AKAP11: variants seen among roughly 807,000 people sequenced by gnomAD.
The protein encoded by AKAP11 is A-kinase anchoring protein 11.
A neutral mutation model predicts 146.1 loss-of-function variants in AKAP11; 36 were observed. The observed-to-expected ratio is 0.25, with a 90% confidence interval of 0.19 to 0.33. The LOEUF is 0.33. Among genes scored for constraint, AKAP11 ranks in the 10% least tolerant of loss-of-function variants. The probability of loss-of-function intolerance (pLI) is 1.00; values close to 1 mark genes in which losing one functional copy is unlikely to be tolerated. For missense variants in AKAP11, 2,201 were observed against 2,197.0 expected (o/e 1.00, Z -0.04); for synonymous variants, 780 against 786.5 (o/e 0.99, Z 0.14).
intron 9 of AKAP11, among the ~76,000 whole-genome samples, chr13:42,312,183 A>G (rs989923188): frequency 5.3e-5 from 8 of 152,238 alleles, no homozygotes; most frequent in African/African-American, 1.9e-4. Context: ...AATGTTTAAT[A>G]ATTAGAAATG....
intron 10 of AKAP11, among the ~76,000 whole-genome samples, chr13:42,313,347 T>C (rs531109018): frequency 7.2e-5 from 11 of 152,372 alleles, no homozygotes; most frequent in Non-Finnish European, 1.2e-4. Flanking sequence ...GTCACTGTTA[T>C]GCATGTGTTG....
Position 42,319,749 on chromosome 13 carries a change from T to A in AKAP11, c.*521T>A, listed in dbSNP as rs1456408283. ...AAATCAGTTTCATTTTCATATTTCA[T>A]AGATCAGCTATTGGTAGCTTTTTGA... On this transcript the variant is annotated 3_prime_UTR_variant, in exon 13 of 13. Transcript: ENST00000025301. 6.6e-6 allele frequency: 1 copy of A among 152,484 alleles called. No homozygotes were observed. The highest frequency in any genetic ancestry group is 2.4e-5 in the African/African-American group (1 of 41,462). 9.4% of individuals were successfully genotyped at this position (152,484 alleles called of 1,614,324 possible). A position where few individuals can be genotyped will look rare whatever the true frequency, so the allele number is the denominator to read the frequency against.
chr13:42,303,565 T>C lies in AKAP11; in HGVS notation c.4819T>C (p.Phe1607Leu), dbSNP rs775735009. 2 of 1,614,220 alleles carry C rather than the reference T, an allele frequency of 1.2e-6. No individual in the cohort carries two copies. The highest frequency in any genetic ancestry group is 1.7e-6 in the Non-Finnish European group (2 of 1,180,046). Residue 1607 changes from phenylalanine to leucine, a missense_variant, in exon 8 of 13, where the codon TTC (phenylalanine) becomes CTC (leucine). Around this residue, in one of 3 missense-constraint regions of AKAP11, gnomAD observed 1,867 missense variants for 1,833.5 expected, o/e 1.02. Coordinates refer to ENST00000025301, the MANE Select transcript of AKAP11 (RefSeq NM_016248.4). ...CACTGGAAATTCATCTCAGCACTTT[T>C]TCAGACAGGGTTCTCTCGCCAGTAG... Reference protein sequence around the residue: ...NCTGNSSQHFFRQGSLASSKP... With the variant: ...NCTGNSSQHFLRQGSLASSKP...
At chr13:42,309,586 A>C in intron 9 of AKAP11, among the ~76,000 whole-genome samples, 1 of 152,214 alleles carries the variant, frequency 6.6e-6, no homozygotes, top group East Asian at 1.9e-4. Context: ...TGGAAATATT[A>C]ATATTTTTGT....
chr13:42,276,713 T>C (rs9590683), intron 1 of AKAP11, among the ~76,000 whole-genome samples: 25,573 of 152,248 alleles, frequency 0.17, 2,901 homozygotes, highest in Non-Finnish European at 0.24. Context: ...TATGCTGTAA[T>C]ATACCCTGTT....
chr13:42,306,232 G>A (rs1960250864), intron 8 of AKAP11, among the ~76,000 whole-genome samples: 1 of 151,962 alleles, frequency 6.6e-6, no homozygotes, highest in African/African-American at 2.4e-5. Context: ...AATAAATTAG[G>A]CCTTTTTACA....
chr13:42,304,083 G>A (rs1416909373), intron 8 of AKAP11, among the ~76,000 whole-genome samples: 2 of 152,102 alleles, frequency 1.3e-5, no homozygotes, highest in Non-Finnish European at 2.9e-5. Context: ...CATTTACAGA[G>A]CTGGAAAATG....
rs996745255 is a variant in AKAP11 at position 42,320,406 on chromosome 13, T to C, written c.*1178T>C. 4 of 150,944 alleles carry C rather than the reference T, an allele frequency of 2.6e-5. No individual in the cohort carries two copies. Among genetic ancestry groups the C allele is most frequent in the Admixed American group, 1.3e-4 (2 of 15,096 alleles). 9.4% of individuals were successfully genotyped at this position (150,944 alleles called of 1,614,324 possible). ...GGGCTCTACATTTCCTACTAGTTTG[T>C]GTCCAGAAACTGCAAGTTGACATGA... is the stretch of plus-strand genomic sequence containing the variant. On this transcript the variant is annotated 3_prime_UTR_variant, in exon 13 of 13. Transcript: ENST00000025301.
In AKAP11 at chr13:42,300,991, C is replaced by A. The variant is rs1184530757; in HGVS notation, c.2245C>A (p.Gln749Lys). ...AVTFSPSFHN[Q>K]AIMVTKPVQE... is the part of the protein sequence containing the mutation. The stretch of plus-strand genomic sequence containing the variant: ...CACGTTTTCCCCTTCTTTTCACAAT[C>A]AAGCAATTATGGTGACAAAACCAGT... The change falls in exon 8 of 13, where the codon CAA becomes AAA. Residue 749 changes from glutamine (Q) to lysine (K), a missense_variant. This residue lies in a region of AKAP11 where 1,867 missense variants were observed against 1,833.5 expected (regional missense o/e 1.02). Coordinates refer to ENST00000025301, the MANE Select transcript of AKAP11 (RefSeq NM_016248.4). 6.2e-7 allele frequency: 1 copy of A among 1,614,106 alleles called. No homozygotes were observed. The highest frequency in any genetic ancestry group is 1.7e-5 in the Admixed American group (1 of 60,022).
At chr13:42,291,918 T>A (rs912760803) in intron 3 of AKAP11, among the ~76,000 whole-genome samples, 1 of 152,232 alleles carries the variant, frequency 6.6e-6, no homozygotes, top group African/African-American at 2.4e-5. Flanking sequence ...TTATTTTGGA[T>A]TATTATCTTA....
intron 6 of AKAP11, 132 bp from the exon 7 acceptor site, chr13:42,298,401 C>A: frequency 1.1e-6 from 1 of 927,494 alleles, no homozygotes; most frequent in Admixed American, 3.1e-5. Context: ...ATTACAAAAC[C>A]AAGGAGCTTT....
chr13:42,311,890 T>G (rs188355334), intron 9 of AKAP11, among the ~76,000 whole-genome samples: 4 of 152,280 alleles, frequency 2.6e-5, no homozygotes, highest in Non-Finnish European at 4.4e-5. Flanking sequence ...CCCTGCTCAG[T>G]TTTAACTTTT....
rs376690362 is a variant in AKAP11, at chr13:42,308,511, C to T, written c.5175C>T (p.Asn1725=). Residue 1725 remains asparagine (N), a synonymous_variant, in exon 9 of 13, where the codon AAC becomes AAT. Transcript: ENST00000025301. ...AGTCTGTCAGTAGCCAGCAGATGAA[C>T]CTCAGTATTGGTGATGACAGCACTG... is the stretch of plus-strand genomic sequence containing the variant. ...STESVSSQQM[N]LSIGDDSTGS... 3 of 1,612,206 alleles carry T rather than the reference C, an allele frequency of 1.9e-6. No homozygotes were observed. The highest frequency in any genetic ancestry group is 2.5e-6 in the Non-Finnish European group (3 of 1,178,862).
rs373602173 is a variant in AKAP11 at position 42,300,279 on chromosome 13, C to G, written c.1533C>G (p.Thr511=). ...GSVLRTHHTN[T]LSNINSIKHG... ...TTCTTCGTACCCACCATACTAATAC[C>G]CTATCAAATATTAACAGTATTAAAC... Residue 511 remains threonine, a synonymous_variant, in exon 8 of 13, where the codon ACC becomes ACG. Coordinates refer to ENST00000025301, the MANE Select transcript of AKAP11 (RefSeq NM_016248.4). 90 of 1,613,268 alleles carry G rather than the reference C, an allele frequency of 5.6e-5. No homozygotes were observed. The highest frequency in any genetic ancestry group is 7.1e-5 in the Non-Finnish European group (84 of 1,179,668).
chr13:42,319,142 G>C lies in AKAP11; in HGVS notation c.5620G>C (p.Val1874Leu), dbSNP rs1269304707. Residue 1874 changes from valine to leucine, a missense_variant, in exon 13 of 13, where the codon GTG (valine) becomes CTG (leucine). Coordinates refer to ENST00000025301, the MANE Select transcript of AKAP11 (RefSeq NM_016248.4). Reference sequence around the variant, plus strand: ...GAAAGTGGGAGACCTCCTGCAGGCTGTGCTTCAATACTATGAAGTGATGGA... The same window carrying C: ...GAAAGTGGGAGACCTCCTGCAGGCTCTGCTTCAATACTATGAAGTGATGGA... ...GWKVGDLLQA[V>L]LQYYEVMEKA... The C allele has an allele frequency of 7.4e-6, 12 of 1,613,940 alleles. No individual in the cohort carries two copies. Among genetic ancestry groups the C allele is most frequent in the Non-Finnish European group, 9.3e-6 (11 of 1,179,964 alleles).
intron 3 of AKAP11, among the ~76,000 whole-genome samples, chr13:42,291,768 G>T (rs1359376915): frequency 2.0e-5 from 3 of 152,116 alleles, no homozygotes; most frequent in Non-Finnish European, 2.9e-5. Context: ...GGAAATAAGT[G>T]TTCTATTTAT....
rs964177975 is a variant in AKAP11 at position 42,322,234 on chromosome 13, T to A, written c.*3006T>A. On this transcript the variant is annotated 3_prime_UTR_variant, in exon 13 of 13. Transcript: ENST00000025301. ...AGATATTTGTTGTAAGTTAATTCAATTCTTAATACTTTAATTTTGCTCCAA... is the reference window on the plus strand; with the variant it reads ...AGATATTTGTTGTAAGTTAATTCAAATCTTAATACTTTAATTTTGCTCCAA... 2 of 152,318 alleles carry A rather than the reference T, an allele frequency of 1.3e-5. No homozygotes were observed. Among genetic ancestry groups the A allele is most frequent in the Non-Finnish European group, 2.9e-5 (2 of 67,978 alleles). The allele number at this position is 152,318 out of a possible 1,614,324, so 9.4% of individuals were successfully genotyped here.
At position 42,321,163 on chromosome 13, in the gene AKAP11, T is replaced by C. The variant is rs528674670; in HGVS notation, c.*1935T>C. 1 of 152,494 alleles carries C rather than the reference T, an allele frequency of 6.6e-6. No individual in the cohort carries two copies. The highest frequency in any genetic ancestry group is 2.1e-4 in the South Asian group (1 of 4,826). 9.4% of individuals were successfully genotyped at this position (152,494 alleles called of 1,614,324 possible). ...TAAGTTTAGAATGCATTTTTACAAGTATCTAACTATCAAATTGTGTTTAGT... is the reference window on the plus strand; with the variant it reads ...TAAGTTTAGAATGCATTTTTACAAGCATCTAACTATCAAATTGTGTTTAGT... On this transcript the variant is annotated 3_prime_UTR_variant, in exon 13 of 13. Transcript: ENST00000025301.
Position 42,298,782 on chromosome 13 carries a change from A to C in AKAP11, c.601A>C (p.Lys201Gln), listed in dbSNP as rs1959669015. The C allele has an allele frequency of 6.4e-7, 1 of 1,568,744 alleles. No individual in the cohort carries two copies. Among genetic ancestry groups the C allele is most frequent in the Non-Finnish European group, 8.6e-7 (1 of 1,166,832 alleles). ...FEHLEEEETS[K>Q]PYNDGMNITV... ...GCACTTAGAAGAGGAAGAGACTTCA[A>C]AGCCATACAATGATGGTTTGTTTTT... Residue 201 changes from lysine (K) to glutamine (Q), a missense_variant, in exon 7 of 13, where the codon AAG (lysine) becomes CAG (glutamine). Around this residue, in one of 3 missense-constraint regions of AKAP11, gnomAD observed 331 missense variants for 347.4 expected, o/e 0.95. Transcript: ENST00000025301.
Sources: gnomAD v4.1 joint callset for allele counts (sites outside exome capture counted in the v4.1 genomes callset) on GRCh38, gnomAD v4.1.1 for gene constraint, gnomAD v4.1.1 regional missense constraint, MANE v1.5 for transcripts, NCBI Gene and HGNC (gene_info 2026-07-23, HGNC 2026-07-21) for gene names.